The following DMD variants were observed in gnomAD, a reference collection of about 807,000 sequenced individuals.
DMD encodes dystrophin.
DMD carries 63 observed loss-of-function variants against 330.1 expected under a neutral mutation model. The observed-to-expected ratio is 0.19, with a 90% CI of 0.16 to 0.24. The LOEUF (loss-of-function observed/expected upper bound fraction) is 0.24. Among genes scored for constraint, DMD ranks in the 10% least tolerant of loss-of-function variants. The pLI, the probability that DMD is intolerant of heterozygous loss-of-function variation, is 1.00. For synonymous variants in DMD, 1,223 were observed against 959.8 expected (o/e 1.27, Z -5.07); for missense variants, 3,344 against 2,684.1 (o/e 1.25, Z -5.43).
At chrX:32,251,209 T>A (rs901212671) in intron 43 of DMD, among the ~76,000 whole-genome samples, 7 of 110,590 alleles carry the variant, frequency 6.3e-5, no homozygotes, top group Non-Finnish European at 1.3e-4. Flanking sequence ...AAAAAAAAGT[T>A]CCTCAAAGAT....
intron 2 of DMD, among the ~76,000 whole-genome samples, chrX:32,867,368 C>A: frequency 9.0e-6 from 1 of 111,659 alleles, no homozygotes; most frequent in Middle Eastern, 4.8e-3. Flanking sequence ...GTTAGTGTTT[C>A]TAGAAAAATG....
intron 27 of DMD, among the ~76,000 whole-genome samples, chrX:32,444,357 C>G (rs1175257559): frequency 9.3e-6 from 1 of 107,613 alleles, no homozygotes; most frequent in African/African-American, 3.5e-5. Context: ...ACTCAATAGC[C>G]CAGAGAAAAA....
intron 43 of DMD, among the ~76,000 whole-genome samples, chrX:32,248,552 CT>C (rs1348611714): frequency 5.1e-4 from 56 of 108,991 alleles, no homozygotes; most frequent in African/African-American, 1.6e-3. Flanking sequence ...CAGAAACCCA[CT>C]TTATATTCTG....
intron 11 of DMD, among the ~76,000 whole-genome samples, chrX:32,623,948 T>C (rs2058173150): frequency 8.9e-6 from 1 of 112,126 alleles, no homozygotes; most frequent in South Asian, 3.7e-4. Context: ...ATTTTTTTCA[T>C]GGGCAAAATA....
chrX:32,703,193 T>C (rs1476100590), intron 7 of DMD, among the ~76,000 whole-genome samples: 1 of 111,537 alleles, frequency 9.0e-6, no homozygotes, highest in Non-Finnish European at 1.9e-5. Context: ...CTTAGATTGC[T>C]GGACTTCTGA....
intron 44 of DMD, among the ~76,000 whole-genome samples, chrX:32,081,712 G>C (rs1276030351): frequency 4.5e-5 from 5 of 110,944 alleles, no homozygotes; most frequent in Non-Finnish European, 9.4e-5. Flanking sequence ...AAATTAGCCA[G>C]GCGTGGTAGT....
In DMD at chrX:32,368,315, A is replaced by G. The variant is rs148464627; in HGVS notation, c.4846-3116T>C. Among the ~76,000 whole-genome samples, 385 of 110,341 alleles carry G rather than the reference A, an allele frequency of 3.5e-3. 2 individuals are homozygous for G. The highest frequency in any genetic ancestry group is 0.013 in the African/African-American group (377 of 29,661). ...ATAAAACAATTTGATATCATACTAG[A>G]AAAAAATCACATTTTTTTTTGGAAA... is the stretch of plus-strand genomic sequence containing the variant. On this transcript the variant is annotated intron_variant, in intron 34 of 78. Transcript: ENST00000357033.
At chrX:32,942,249 G>C (rs1332845227) in intron 2 of DMD, among the ~76,000 whole-genome samples, 2 of 112,353 alleles carry the variant, frequency 1.8e-5, no homozygotes, top group Non-Finnish European at 3.8e-5. Flanking sequence ...TGTAAGAAAA[G>C]ATAATCCATT....
chrX:32,065,803 T>C (rs1472483755), intron 44 of DMD, among the ~76,000 whole-genome samples: 3 of 112,008 alleles, frequency 2.7e-5, no homozygotes, highest in Non-Finnish European at 5.7e-5. Context: ...ACGTTAAATA[T>C]TTTAATCTTG....
intron 16 of DMD, among the ~76,000 whole-genome samples, chrX:32,548,875 G>A (rs2049243856): frequency 9.0e-6 from 1 of 111,081 alleles, no homozygotes; most frequent in Admixed American, 9.6e-5. Context: ...ATAACGTAGT[G>A]CCTTCACTAA....
chrX:32,478,778 G>A (rs1315381089), intron 21 of DMD, among the ~76,000 whole-genome samples: 2 of 111,382 alleles, frequency 1.8e-5, no homozygotes, highest in South Asian at 7.4e-4. Flanking sequence ...GCTGAAAGTC[G>A]CTGCTGCTCA....
chrX:32,677,959 G>A (rs1276437119), intron 9 of DMD, among the ~76,000 whole-genome samples: 2 of 111,811 alleles, frequency 1.8e-5, no homozygotes, highest in African/African-American at 6.5e-5. Flanking sequence ...GTGACAAGTT[G>A]GATGAACCTT....
At chrX:32,860,111 A>G (rs1296927027) in intron 2 of DMD, among the ~76,000 whole-genome samples, 2 of 112,206 alleles carry the variant, frequency 1.8e-5, no homozygotes, top group Non-Finnish European at 3.8e-5. Flanking sequence ...ATAAAGAAAT[A>G]CGGAAGCACA....
intron 54 of DMD, among the ~76,000 whole-genome samples, chrX:31,650,038 C>A (rs2080354382): frequency 9.1e-6 from 1 of 109,377 alleles, no homozygotes; most frequent in Non-Finnish European, 1.9e-5. Context: ...TCACTGCAGC[C>A]TTGAACTGAA....
intron 43 of DMD, among the ~76,000 whole-genome samples, chrX:32,273,938 T>G (rs1431887586): frequency 8.9e-6 from 1 of 112,168 alleles, no homozygotes; most frequent in African/African-American, 3.2e-5. Context: ...TTATAATTGA[T>G]AAAATAAAGA....
Position 32,844,686 on chromosome X carries a change from T to C in DMD, c.264+97A>G, listed in dbSNP as rs1603447039. ...AGAACTGGTCTGATTTACAAGAGAATTTGAAATACTTTCTCTGCATTTGGG... is the reference window on the plus strand; with the variant it reads ...AGAACTGGTCTGATTTACAAGAGAACTTGAAATACTTTCTCTGCATTTGGG... On this transcript the variant is annotated intron_variant, in intron 4 of 78. Transcript: ENST00000357033. 4 of 727,247 alleles carry C rather than the reference T, an allele frequency of 5.5e-6. No individual in the cohort carries two copies. The East Asian group carries it at 9.8e-5, about 18-fold the overall frequency. 59.9% of individuals were successfully genotyped at this position (727,247 alleles called of 1,213,427 possible). A position where few individuals can be genotyped will look rare whatever the true frequency, so the allele number is the denominator to read the frequency against.
In DMD at chrX:32,849,668, G is replaced by A. The variant is rs1042965124; in HGVS notation, c.186+60C>T. 4.6e-6 allele frequency: 4 copies of A among 875,570 alleles called. No homozygotes were observed. The African/African-American group carries it at 7.9e-5, about 17-fold the overall frequency. The allele number at this position is 875,570 out of a possible 1,213,427, so 72.2% of individuals were successfully genotyped here. ...TAGATGTCATAAAACTATGTTGTCA[G>A]TTTCTGGTCTGAAATTCTACTAAGT... On this transcript the variant is annotated intron_variant, in intron 3 of 78. Transcript: ENST00000357033.
At chrX:31,505,106 T>C (rs1326846663) in intron 56 of DMD, among the ~76,000 whole-genome samples, 2 of 112,396 alleles carry the variant, frequency 1.8e-5, no homozygotes, top group Non-Finnish European at 3.8e-5. Flanking sequence ...AGCATCTTTC[T>C]TTTTCTTTTG....
At chrX:32,907,910 T>C (rs1013405518) in intron 2 of DMD, among the ~76,000 whole-genome samples, 23 of 111,584 alleles carry the variant, frequency 2.1e-4, no homozygotes, top group Admixed American at 1.5e-3. Flanking sequence ...TCACTTATCT[T>C]GGTCGTAAAT....
Sources: gnomAD v4.1 joint callset for allele counts (sites outside exome capture counted in the v4.1 genomes callset) on GRCh38, gnomAD v4.1.1 for gene constraint, MANE v1.5 for transcripts, NCBI Gene and HGNC (gene_info 2026-07-23, HGNC 2026-07-21) for gene names.